FLT3: variants seen among roughly 807,000 people sequenced by gnomAD.
FLT3 encodes receptor-type tyrosine-protein kinase FLT3.
FLT3 carries 46 observed loss-of-function variants against 126.6 expected under a neutral mutation model. That is an observed-to-expected ratio of 0.36 (90% CI 0.29 to 0.46). FLT3 has a LOEUF of 0.46. Among genes scored for constraint, FLT3 ranks in the 20% least tolerant of loss-of-function variants. The probability of loss-of-function intolerance (pLI) is 1.00; values close to 1 mark genes in which losing one functional copy is unlikely to be tolerated. For synonymous variants in FLT3, 404 were observed against 434.4 expected (o/e 0.93, Z 0.87); for missense variants, 1,069 against 1,190.3 (o/e 0.90, Z 1.50).
chr13:28,084,988 A>T (rs1325486215), intron 1 of FLT3, among the ~76,000 whole-genome samples: 4 of 151,048 alleles, frequency 2.6e-5, no homozygotes, highest in Non-Finnish European at 4.4e-5. Context: ...AAAAAAAAAA[A>T]AAAAATTCAC....
intron 19 of FLT3, among the ~76,000 whole-genome samples, chr13:28,020,535 T>C (rs1872293728): frequency 6.6e-6 from 1 of 152,026 alleles, no homozygotes; most frequent in Non-Finnish European, 1.5e-5. Flanking sequence ...TTAGTAGAGA[T>C]GGGGTTTTGC....
At chr13:28,092,221 C>A in intron 1 of FLT3, among the ~76,000 whole-genome samples, 1 of 152,146 alleles carries the variant, frequency 6.6e-6, no homozygotes, top group East Asian at 1.9e-4. Context: ...CTAAGCCCCA[C>A]CTCTTCCTAT....
rs1392251554 is a variant in FLT3, at chr13:28,003,821, T to A, written c.*231A>T. 2 of 547,128 alleles carry A rather than the reference T, an allele frequency of 3.7e-6. No individual in the cohort carries two copies. The highest frequency in any genetic ancestry group is 6.5e-6 in the Non-Finnish European group (2 of 306,590). 33.9% of individuals were successfully genotyped at this position (547,128 alleles called of 1,614,324 possible). A position where few individuals can be genotyped will look rare whatever the true frequency, so the allele number is the denominator to read the frequency against. On this transcript the variant is annotated 3_prime_UTR_variant, in exon 24 of 24. Coordinates refer to ENST00000241453, the MANE Select transcript of FLT3 (RefSeq NM_004119.3). ...TGAGAAGGCCTTGGATGCAGATCAA[T>A]GCTCCAATAAAGTTCATTATCAGCT...
At position 28,024,882 on chromosome 13, in the gene FLT3, C is replaced by T; in HGVS notation, c.2269G>A (p.Gly757Arg). ...PDSDQISGLHGNSFHSEDEIE... is the reference protein window; with the variant it reads ...PDSDQISGLHRNSFHSEDEIE... ...TTACCTTCAGAGTGAAATGAATTCCCATGAAGCCCTGAGATTTGATCCGAG... is the reference window on the plus strand; with the variant it reads ...TTACCTTCAGAGTGAAATGAATTCCTATGAAGCCCTGAGATTTGATCCGAG... The change falls in exon 18 of 24, where the codon GGG becomes AGG. Residue 757 changes from glycine to arginine, a missense_variant. Physicochemically the swap from Gly to Arg is moderately radical, Grantham distance 125. Transcript: ENST00000241453. The T allele has an allele frequency of 6.2e-7, 1 of 1,608,540 alleles. No individual in the cohort carries two copies. The highest frequency in any genetic ancestry group is 8.5e-7 in the Non-Finnish European group (1 of 1,176,254).
intron 16 of FLT3, among the ~76,000 whole-genome samples, chr13:28,027,761 C>G (rs887832475): frequency 6.6e-6 from 1 of 152,174 alleles, no homozygotes; most frequent in African/African-American, 2.4e-5. Context: ...CCAGAGAATT[C>G]TGGGAAAGTA....
chr13:28,079,983 T>C (rs909820853), intron 1 of FLT3, among the ~76,000 whole-genome samples: 4 of 152,218 alleles, frequency 2.6e-5, no homozygotes, highest in Middle Eastern at 3.4e-3. Flanking sequence ...TAGGAACTAG[T>C]AAAATGAGAA....
intron 23 of FLT3, among the ~76,000 whole-genome samples, chr13:28,011,705 CTTT>C (rs921421795): frequency 2.0e-5 from 1 of 49,966 alleles, no homozygotes. Flanking sequence ...CTTTCTTTCT[CTTT>C]TTCTCTTTCT....
chr13:28,037,847 C>T (rs9554224), intron 9 of FLT3, among the ~76,000 whole-genome samples: 3 of 152,018 alleles, frequency 2.0e-5, no homozygotes, highest in Non-Finnish European at 4.4e-5. Context: ...CCCACAGGAG[C>T]GGAAACCCCA....
intron 2 of FLT3, among the ~76,000 whole-genome samples, chr13:28,066,778 C>T (rs867623818): frequency 4.6e-5 from 7 of 152,260 alleles, no homozygotes; most frequent in Middle Eastern, 6.8e-3. Context: ...GCAAACACCA[C>T]CATAATAATC....
At chr13:28,098,314 CAAAAAAA>C (rs55675449) in intron 1 of FLT3, among the ~76,000 whole-genome samples, 3 of 85,294 alleles carry the variant, frequency 3.5e-5, no homozygotes, top group Non-Finnish European at 5.1e-5. Flanking sequence ...GACTCCGTCT[CAAAAAAA>C]AAAAAAAAAA....
rs35884842 is a variant in FLT3 at position 28,028,089 on chromosome 13, AAGAG to A, written c.2053+85_2053+88del. ...GACTGAGAAAAGACAAAGAATTAAA[AAGAG>A]AGAGAGAGAGAGAGAGAGCAAACAT... is the stretch of plus-strand genomic sequence containing the variant. On this transcript the variant is annotated intron_variant, in intron 16 of 23. Coordinates refer to ENST00000241453, the MANE Select transcript of FLT3 (RefSeq NM_004119.3). 0.25 allele frequency: 127,656 copies of A among 510,380 alleles called. 8,527 individuals carry two copies. The highest frequency in any genetic ancestry group is 0.31 in the South Asian group (13,576 of 43,652). The allele number at this position is 510,380 out of a possible 1,614,324, so 31.6% of individuals were successfully genotyped here.
At chr13:28,081,466 C>A (rs952664456) in intron 1 of FLT3, among the ~76,000 whole-genome samples, 1 of 152,136 alleles carries the variant, frequency 6.6e-6, no homozygotes, top group African/African-American at 2.4e-5. Flanking sequence ...ATCCTGCAAA[C>A]TTACAGAACT....
chr13:28,064,146 C>G (rs906512509), intron 2 of FLT3, among the ~76,000 whole-genome samples: 1 of 151,844 alleles, frequency 6.6e-6, no homozygotes, highest in Non-Finnish European at 1.5e-5. Flanking sequence ...AGAAAATATG[C>G]CAACATATAT....
intron 1 of FLT3, among the ~76,000 whole-genome samples, chr13:28,084,916 A>C (rs1878557732): frequency 6.7e-6 from 1 of 149,470 alleles, no homozygotes; most frequent in South Asian, 2.1e-4. Flanking sequence ...CGGAGCTTGC[A>C]GTGAGCCGAG....
intron 19 of FLT3, among the ~76,000 whole-genome samples, chr13:28,019,343 A>G (rs1872176852): frequency 6.6e-6 from 1 of 152,142 alleles, no homozygotes. Flanking sequence ...GAAAAACAAA[A>G]AGCTAAAAAT....
chr13:28,069,608 G>A (rs1378370940), intron 2 of FLT3, among the ~76,000 whole-genome samples: 1 of 152,060 alleles, frequency 6.6e-6, no homozygotes, highest in Non-Finnish European at 1.5e-5. Context: ...CTGTAACCAT[G>A]GGTTCCGCAT....
intron 23 of FLT3, among the ~76,000 whole-genome samples, chr13:28,007,197 G>C (rs969883331): frequency 2.0e-5 from 3 of 152,046 alleles, no homozygotes; most frequent in Non-Finnish European, 2.9e-5. Flanking sequence ...TTAAAAAATG[G>C]TTCTTTTTTC....
At chr13:28,028,119 C>A in intron 16 of FLT3, 59 bp downstream of exon 16, 2 of 825,334 alleles carry the variant, frequency 2.4e-6, no homozygotes, top group South Asian at 1.4e-5. Context: ...GAGCAAACAT[C>A]CTCTTTGTCA....
chr13:28,015,188 T>A lies in FLT3; in HGVS notation c.2722A>T (p.Met908Leu). The A allele has an allele frequency of 6.2e-7, 1 of 1,610,374 alleles. No homozygotes were observed. The highest frequency in any genetic ancestry group is 8.5e-7 in the Non-Finnish European group (1 of 1,176,748). ...FYKLIQNGFK[M>L]DQPFYATEEI... ...TCTGTAGCATAAAATGGCTGATCCATTTTAAATCCATTTTGAATCAGTTTG... is the reference window on the plus strand; with the variant it reads ...TCTGTAGCATAAAATGGCTGATCCAATTTAAATCCATTTTGAATCAGTTTG... The change falls in exon 22 of 24, where the codon ATG (methionine) becomes TTG (leucine). Residue 908 changes from methionine (M) to leucine (L), a missense_variant. By Grantham distance (15) the Met-to-Leu change is conservative. Coordinates refer to ENST00000241453, the MANE Select transcript of FLT3 (RefSeq NM_004119.3).
Sources: allele counts gnomAD v4.1 joint callset (sites outside exome capture counted in the v4.1 genomes callset), GRCh38; gene constraint gnomAD v4.1.1; transcripts MANE v1.5; gene names NCBI Gene and HGNC (gene_info 2026-07-23, HGNC 2026-07-21).